ENTPD3: variants seen among roughly 807,000 people sequenced by gnomAD.
The protein encoded by ENTPD3 is ectonucleoside triphosphate diphosphohydrolase 3.
Under a neutral mutation model 51.2 loss-of-function variants are expected in ENTPD3, and 60 were observed. The observed-to-expected ratio is 1.17, with a 90% confidence interval of 0.95 to 1.45. The LOEUF is 1.45. Ranked by LOEUF, ENTPD3 falls within the 40% of genes most tolerant of loss-of-function variation. The pLI is 0.00. For synonymous variants in ENTPD3, 221 were observed against 238.4 expected (o/e 0.93, Z 0.67); for missense variants, 593 against 641.1 (o/e 0.93, Z 0.81).
At position 40,428,367 on chromosome 3, in the gene ENTPD3, G is replaced by C. The variant is rs919189718; in HGVS notation, c.*859G>C. On this transcript the variant is annotated 3_prime_UTR_variant, in exon 11 of 11. Transcript: ENST00000301825. ...TGTCACCATTCCCACAAGTATACTT[G>C]ATGTTGTCATAGAACGAACATCCTA... 6.6e-6 allele frequency: 1 copy of C among 152,142 alleles called. No individual in the cohort carries two copies. The highest frequency in any genetic ancestry group is 2.4e-5 in the African/African-American group (1 of 41,422). The allele number at this position is 152,142 out of a possible 1,614,324, so 9.4% of individuals were successfully genotyped here.
rs747176542 is a variant in ENTPD3 at position 40,415,869 on chromosome 3, G to A, written c.627G>A (p.Pro209=). 91 of 1,613,808 alleles carry A rather than the reference G, an allele frequency of 5.6e-5. No individual in the cohort carries two copies. In the East Asian group the frequency reaches 9.6e-4, roughly 17 times the overall value. Residue 209 remains proline, a synonymous_variant, in exon 7 of 11, where the codon CCG becomes CCA. Transcript: ENST00000301825. ...EKNLWHMWVH[P]HGVETTGALD... Reference sequence around the variant, plus strand: ...ACCTGTGGCACATGTGGGTGCACCCGCATGGAGTGGAAACCACGGGTGCCC... The same window carrying A: ...ACCTGTGGCACATGTGGGTGCACCCACATGGAGTGGAAACCACGGGTGCCC...
chr3:40,404,260 C>A (rs561414692), intron 4 of ENTPD3, among the ~76,000 whole-genome samples: 30 of 152,292 alleles, frequency 2.0e-4, no homozygotes, highest in African/African-American at 6.3e-4. Context: ...GTTATACCTA[C>A]CCTACAGGAG....
At position 40,393,654 on chromosome 3, in the gene ENTPD3, T is replaced by TA. The variant is rs34726619; in HGVS notation, c.168+1513dup. ...CTCATGAATAATGTGAATTAAAAAT[T>TA]AAAAAAAAACCTTATGCAATCACCC... On this transcript the variant is annotated intron_variant, in intron 3 of 10. Transcript: ENST00000301825. 2.1e-4 allele frequency among the ~76,000 whole-genome samples: 31 copies of TA among 151,060 alleles called. 1 individual carries two copies. The highest frequency in any genetic ancestry group is 1.8e-3 in the Admixed American group (27 of 15,178).
intron 4 of ENTPD3, among the ~76,000 whole-genome samples, chr3:40,402,436 T>C (rs9829800): frequency 0.42 from 63,628 of 151,720 alleles, 14,537 homozygotes; most frequent in African/African-American, 0.6. Flanking sequence ...TCCTTGTTGA[T>C]GGGCATTTGT....
intron 5 of ENTPD3, among the ~76,000 whole-genome samples, chr3:40,414,270 G>A (rs1285876956): frequency 6.6e-6 from 1 of 152,088 alleles, no homozygotes; most frequent in Non-Finnish European, 1.5e-5. Flanking sequence ...TTTCCGTCTG[G>A]TCAGATGAGG....
intron 10 of ENTPD3, 141 bp downstream of exon 10, chr3:40,424,104 G>A (rs1955937992): frequency 6.1e-6 from 9 of 1,485,728 alleles, no homozygotes; most frequent in Non-Finnish European, 8.0e-6. Flanking sequence ...TCCCTTGTGA[G>A]TTTCCCAGAA....
At chr3:40,426,077 AAC>A (rs1309927721) in intron 10 of ENTPD3, among the ~76,000 whole-genome samples, 1 of 151,264 alleles carries the variant, frequency 6.6e-6, no homozygotes, top group African/African-American at 2.4e-5. Context: ...TGTCAAAGGA[AAC>A]ACAGAGATAT....
chr3:40,426,348 T>A (rs2125614374), intron 10 of ENTPD3, among the ~76,000 whole-genome samples: 1 of 151,768 alleles, frequency 6.6e-6, no homozygotes, highest in South Asian at 2.1e-4. Flanking sequence ...CCTCAGGTGA[T>A]CCCGCCTCGG....
chr3:40,421,254 C>A (rs1367964202), intron 7 of ENTPD3, among the ~76,000 whole-genome samples: 1 of 151,856 alleles, frequency 6.6e-6, no homozygotes, highest in East Asian at 1.9e-4. Flanking sequence ...AAACTCCTGA[C>A]CTCAAATGAT....
At chr3:40,423,786 A>T in intron 9 of ENTPD3, 40 bp from the exon 10 acceptor site, 1 of 1,604,808 alleles carries the variant, frequency 6.2e-7, no homozygotes, top group Non-Finnish European at 8.5e-7. Context: ...TTTAAAACAT[A>T]CCTGCCTGCC....
intron 3 of ENTPD3, among the ~76,000 whole-genome samples, chr3:40,396,990 C>A (rs1179948411): frequency 1.3e-5 from 2 of 152,196 alleles, no homozygotes; most frequent in Non-Finnish European, 2.9e-5. Flanking sequence ...AGCAAAACCA[C>A]TGGCCCAGTC....
chr3:40,388,075 C>T lies in ENTPD3; in HGVS notation c.18C>T (p.Thr6=). The change falls in exon 2 of 11, where the codon ACC becomes ACT. Residue 6 remains threonine, a synonymous_variant. Coordinates refer to ENST00000301825, the MANE Select transcript of ENTPD3 (RefSeq NM_001248.4). ...GAGAAAAGATGTTCACTGTGCTGAC[C>T]CGCCAACCATGTGAGCAAGCAGGTT... is the stretch of plus-strand genomic sequence containing the variant. The part of the protein sequence containing the change: MFTVL[T]RQPCEQAGLK... 6.2e-7 allele frequency: 1 copy of T among 1,614,082 alleles called. No individual in the cohort carries two copies. The highest frequency in any genetic ancestry group is 8.5e-7 in the Non-Finnish European group (1 of 1,179,988).
chr3:40,399,290 G>C (rs567451405), intron 3 of ENTPD3, among the ~76,000 whole-genome samples: 217 of 152,214 alleles, frequency 1.4e-3, no homozygotes, highest in African/African-American at 5.1e-3. Context: ...GGGATGCTTT[G>C]TTTTCTTTTC....
chr3:40,409,276 C>T (rs950847713), intron 4 of ENTPD3, among the ~76,000 whole-genome samples: 3 of 151,942 alleles, frequency 2.0e-5, no homozygotes, highest in East Asian at 1.9e-4. Flanking sequence ...TATATACATA[C>T]GTATATAAAC....
intron 10 of ENTPD3, among the ~76,000 whole-genome samples, chr3:40,426,107 C>CT (rs35267876): frequency 0.5 from 55,921 of 112,596 alleles, 16,305 homozygotes; most frequent in Non-Finnish European, 0.65. Context: ...TTTTTCTTTT[C>CT]TTTTTTTTTT....
At chr3:40,424,865 C>T (rs2125613153) in intron 10 of ENTPD3, 1 of 688,592 alleles carries the variant, frequency 1.5e-6, no homozygotes, top group African/African-American at 1.8e-5. Flanking sequence ...CTGCATTAGG[C>T]CTCTGACTAT....
At chr3:40,407,066 G>A (rs1955520856) in intron 4 of ENTPD3, among the ~76,000 whole-genome samples, 1 of 152,154 alleles carries the variant, frequency 6.6e-6, no homozygotes, top group Admixed American at 6.5e-5. Flanking sequence ...ATGAGCAACT[G>A]TGTGCATCAC....
chr3:40,412,362 C>T (rs974267557), intron 5 of ENTPD3, among the ~76,000 whole-genome samples: 4 of 152,160 alleles, frequency 2.6e-5, no homozygotes, highest in African/African-American at 4.8e-5. Flanking sequence ...GTACAAAATA[C>T]CACTGAAATC....
intron 2 of ENTPD3, among the ~76,000 whole-genome samples, chr3:40,390,797 A>C (rs1253371816): frequency 6.6e-6 from 1 of 152,186 alleles, no homozygotes; most frequent in Non-Finnish European, 1.5e-5. Context: ...CACTCTGTAT[A>C]GCGCATTGCC....
Sources: gnomAD v4.1 joint callset for allele counts (sites outside exome capture counted in the v4.1 genomes callset) on GRCh38, gnomAD v4.1.1 for gene constraint, MANE v1.5 for transcripts, NCBI Gene and HGNC (gene_info 2026-07-23, HGNC 2026-07-21) for gene names.